Variants in SLC16A6 observed in about 807,000 individuals in gnomAD.
SLC16A6 encodes the protein monocarboxylate transporter 7.
In SLC16A6, 15 loss-of-function variants were observed where a neutral mutation model predicts 33.8. That is an observed-to-expected ratio of 0.44 (90% CI 0.30 to 0.68). SLC16A6 has a LOEUF of 0.68. Ranked by LOEUF, SLC16A6 falls within the 30% of genes least tolerant of loss-of-function variation. The pLI, the probability that SLC16A6 is intolerant of heterozygous loss-of-function variation, is 0.10. For missense variants in SLC16A6, 451 were observed against 661.5 expected (o/e 0.68, Z 3.49); for synonymous variants, 219 against 248.4 (o/e 0.88, Z 1.11).
intron 3 of SLC16A6, 186 bp downstream of exon 3, chr17:68,273,741 G>T: frequency 1.7e-6 from 1 of 581,832 alleles, no homozygotes; most frequent in Non-Finnish European, 2.9e-6. Context: ...GGGCACTTGA[G>T]AACAGATTCC....
At chr17:68,283,095 C>G (rs1555753360) in intron 1 of SLC16A6, 2 of 151,942 alleles carry the variant, frequency 1.3e-5, no homozygotes, top group Non-Finnish European at 2.9e-5. Context: ...CTACTGCACT[C>G]TTGCCTGAAT....
At chr17:68,272,522 G>T in intron 4 of SLC16A6, 117 bp downstream of exon 4, 1 of 1,182,398 alleles carries the variant, frequency 8.5e-7, no homozygotes, top group South Asian at 1.5e-5. Context: ...CGTAAATAAC[G>T]TCTCATTACA....
chr17:68,274,087 A>G lies in SLC16A6; in HGVS notation c.233-17T>C, dbSNP rs371666957. On this transcript the variant is annotated splice_polypyrimidine_tract_variant and intron_variant, in intron 2 of 5. Transcript: ENST00000580666. Reference sequence around the variant, plus strand: ...CGAGGGGAGCTGCCGGGAAAGAACAAAACGATATTTTAACTCACAGAGGCT... The same window carrying G: ...CGAGGGGAGCTGCCGGGAAAGAACAGAACGATATTTTAACTCACAGAGGCT... 5 of 1,608,504 alleles carry G rather than the reference A, an allele frequency of 3.1e-6. No individual in the cohort carries two copies. Among genetic ancestry groups the G allele is most frequent in the Non-Finnish European group, 4.3e-6 (5 of 1,175,818 alleles).
At chr17:68,273,706 TG>T (rs111758801) in intron 3 of SLC16A6, among the ~76,000 whole-genome samples, 2,345 of 152,314 alleles carry the variant, frequency 0.015, 55 homozygotes, top group African/African-American at 0.053. Context: ...TCATCATCTT[TG>T]GTGAAGATCA....
chr17:68,278,106 A>G lies in SLC16A6; in HGVS notation c.215T>C (p.Phe72Ser). The G allele has an allele frequency of 1.2e-6, 2 of 1,613,660 alleles. No individual in the cohort carries two copies. Among genetic ancestry groups the G allele is most frequent in the Admixed American group, 1.7e-5 (1 of 60,018 alleles). The change falls in exon 2 of 6, where the codon TTT becomes TCT. Residue 72 changes from phenylalanine to serine, a missense_variant. Physicochemically the swap from Phe to Ser is radical, Grantham distance 155 (BLOSUM62 -2). Around this residue, in one of 2 missense-constraint regions of SLC16A6, gnomAD observed 405 missense variants for 510.7 expected, o/e 0.79. Coordinates refer to ENST00000580666, the MANE Select transcript of SLC16A6 (RefSeq NM_004694.5). ...GTACTAACCTGAAAATGTTAAGACA[A>G]ACACACAGATTGAGATTATCCATGA... ...RISWIISICV[F>S]VLTFSAPLAT...
At position 68,271,125 on chromosome 17, in the gene SLC16A6, G is replaced by A. The variant is rs782203795; in HGVS notation, c.1035C>T (p.Ile345=). ...CCCTGTTGAGGACAAAACCAGCTCC[G>A]ATCCTTCCGAAAACTTCTGCAATGG... ...TMAIAEVFGR[I]GAGFVLNREP... The change falls in exon 5 of 6, where the codon ATC becomes ATT. Residue 345 remains isoleucine, a synonymous_variant. Coordinates refer to ENST00000580666, the MANE Select transcript of SLC16A6 (RefSeq NM_004694.5). This position sits in a 1 kb window ranked among gnomAD's most constrained non-coding sequence, Gnocchi z 5.3. 1 of 1,614,118 alleles carries A rather than the reference G, an allele frequency of 6.2e-7. No individual in the cohort carries two copies. The highest frequency in any genetic ancestry group is 8.5e-7 in the Non-Finnish European group (1 of 1,180,024).
At chr17:68,282,503 A>C (rs1337946866) in intron 1 of SLC16A6, among the ~76,000 whole-genome samples, 5 of 152,038 alleles carry the variant, frequency 3.3e-5, no homozygotes, top group Non-Finnish European at 5.9e-5. Flanking sequence ...AAAAAAAAAA[A>C]AAACTACACA....
chr17:68,283,413 C>T lies in SLC16A6; in HGVS notation c.-7-5086G>A, dbSNP rs532831691. Among the ~76,000 whole-genome samples, 277 of 151,816 alleles carry T rather than the reference C, an allele frequency of 1.8e-3. 2 individuals are homozygous for T. Among genetic ancestry groups the T allele is most frequent in the Admixed American group, 3.8e-3 (58 of 15,242 alleles). On this transcript the variant is annotated intron_variant, in intron 1 of 5. Coordinates refer to ENST00000580666, the MANE Select transcript of SLC16A6 (RefSeq NM_004694.5). ...GCGGGCGCCTGTAGTCCCAGCTACT[C>T]CGGAGGCTGAGGCAGGAGAATGGCG... is the stretch of plus-strand genomic sequence containing the variant.
At chr17:68,285,935 A>G (rs1457598515) in intron 1 of SLC16A6, among the ~76,000 whole-genome samples, 1 of 151,930 alleles carries the variant, frequency 6.6e-6, no homozygotes, top group Non-Finnish European at 1.5e-5. Context: ...AATTTGTTGT[A>G]TTTTTAGTAG....
chr17:68,273,589 C>T (rs1335759956), intron 3 of SLC16A6, among the ~76,000 whole-genome samples: 1 of 152,192 alleles, frequency 6.6e-6, no homozygotes, highest in African/African-American at 2.4e-5. Flanking sequence ...ACTTCCCCTA[C>T]AGCCCTGGAT....
At position 68,272,627 on chromosome 17, in the gene SLC16A6, T is replaced by C; in HGVS notation, c.505+12A>G. 1 of 1,613,298 alleles carries C rather than the reference T, an allele frequency of 6.2e-7. No homozygotes were observed. Among genetic ancestry groups the C allele is most frequent in the Middle Eastern group, 1.7e-4 (1 of 6,052 alleles). On this transcript the variant is annotated intron_variant, in intron 4 of 5. Transcript: ENST00000580666. ...ATCCACATTCATACTTAGGCTGTTGTAGTCCACCTACCTGGTGCGAAAGCA... is the reference window on the plus strand; with the variant it reads ...ATCCACATTCATACTTAGGCTGTTGCAGTCCACCTACCTGGTGCGAAAGCA...
chr17:68,277,993 T>A (rs2075579052), intron 2 of SLC16A6, 96 bp downstream of exon 2: 2 of 775,240 alleles, frequency 2.6e-6, no homozygotes, highest in East Asian at 2.7e-5. Context: ...TATAAGGGAA[T>A]GAAAGCATCA....
intron 5 of SLC16A6, among the ~76,000 whole-genome samples, chr17:68,270,491 T>A (rs2075301947): frequency 6.6e-6 from 1 of 151,162 alleles, no homozygotes; most frequent in Non-Finnish European, 1.5e-5. Flanking sequence ...GAGGTGGAGG[T>A]TGCAGTGAGC....
rs1358262819 is a variant in SLC16A6, at chr17:68,281,529, C to T, written c.-7-3202G>A. ...GGTGGAGGTTGCAGTGAGCCGAGAT[C>T]GTGCCACTGTACTCCAGCCTGGTGA... On this transcript the variant is annotated intron_variant, in intron 1 of 5. Transcript: ENST00000580666. 2.0e-5 allele frequency among the ~76,000 whole-genome samples: 3 copies of T among 152,084 alleles called. 1 individual carries two copies. Among genetic ancestry groups the T allele is most frequent in the Admixed American group, 6.6e-5 (1 of 15,254 alleles).
In SLC16A6 at chr17:68,271,763, G is replaced by A. The variant is rs1555748981; in HGVS notation, c.506-109C>T. 1 of 815,128 alleles carries A rather than the reference G, an allele frequency of 1.2e-6. No individual in the cohort carries two copies. Among genetic ancestry groups the A allele is most frequent in the Non-Finnish European group, 1.9e-6 (1 of 518,672 alleles). The allele number at this position is 815,128 out of a possible 1,614,324, so 50.5% of individuals were successfully genotyped here. A position where few individuals can be genotyped will look rare whatever the true frequency, so the allele number is the denominator to read the frequency against. ...GGATCCAGATTTTGTTATAAGTTCTGTGGAAATTTATTATACTCAGCAGTA... is the reference window on the plus strand; with the variant it reads ...GGATCCAGATTTTGTTATAAGTTCTATGGAAATTTATTATACTCAGCAGTA... On this transcript the variant is annotated intron_variant, in intron 4 of 5. Transcript: ENST00000580666. This position sits in a 1 kb window ranked among gnomAD's most constrained non-coding sequence, Gnocchi z 5.3.
At chr17:68,282,163 A>T (rs1316221846) in intron 1 of SLC16A6, among the ~76,000 whole-genome samples, 9 of 152,322 alleles carry the variant, frequency 5.9e-5, no homozygotes, top group African/African-American at 2.2e-4. Context: ...ATGGAATACT[A>T]TGCAGCCATA....
Position 68,272,811 on chromosome 17 carries a change from C to G in SLC16A6, c.377-44G>C, listed in dbSNP as rs782553378. ...AAAAGCCAATGAGACCCACATACTG[C>G]TTGAGACTGGAAGGATGCATTAAAA... On this transcript the variant is annotated intron_variant, in intron 3 of 5. Coordinates refer to ENST00000580666, the MANE Select transcript of SLC16A6 (RefSeq NM_004694.5). 7.5e-6 allele frequency: 12 copies of G among 1,608,944 alleles called. No homozygotes were observed. In the Admixed American group the frequency reaches 1.5e-4, roughly 20 times the overall value.
At chr17:68,274,174 A>G (rs2075436571) in intron 2 of SLC16A6, 104 bp from the exon 3 acceptor site, 2 of 1,290,850 alleles carry the variant, frequency 1.5e-6, no homozygotes, top group Non-Finnish European at 2.2e-6. Flanking sequence ...ATGATGTCGA[A>G]TATAAATATG....
In SLC16A6 at chr17:68,271,670, G is replaced by A. The variant is rs782238996; in HGVS notation, c.506-16C>T. 1.0e-4 allele frequency: 164 copies of A among 1,600,562 alleles called. No homozygotes were observed. The highest frequency in any genetic ancestry group is 1.7e-4 in the Middle Eastern group (1 of 6,036). On this transcript the variant is annotated splice_polypyrimidine_tract_variant and intron_variant, in intron 4 of 5. Transcript: ENST00000580666. This position sits in a 1 kb window ranked among gnomAD's most constrained non-coding sequence, Gnocchi z 5.3. ...GCCATGATTGCTTGAATAGGCAGGA[G>A]TGAAGAAGAAATAATATAAGGTCAA... is the stretch of plus-strand genomic sequence containing the variant.
Sources: allele counts gnomAD v4.1 joint callset (sites outside exome capture counted in the v4.1 genomes callset), GRCh38; gene constraint gnomAD v4.1.1; regional missense constraint gnomAD v4.1.1; non-coding constraint Gnocchi (gnomAD v3.1); transcripts MANE v1.5; gene names NCBI Gene and HGNC (gene_info 2026-07-23, HGNC 2026-07-21).